BTN3A3: variants seen among roughly 807,000 people sequenced by gnomAD.
BTN3A3 encodes butyrophilin subfamily 3 member A3.
A neutral mutation model predicts 43.2 loss-of-function variants in BTN3A3; 39 were observed. That is an observed-to-expected ratio of 0.90 (90% CI 0.70 to 1.18). BTN3A3 has a LOEUF of 1.18. Ranked by LOEUF, BTN3A3 falls within the 50% of genes most tolerant of loss-of-function variation. The pLI is 0.00. For missense variants in BTN3A3, 631 were observed against 722.8 expected (o/e 0.87, Z 1.46); for synonymous variants, 255 against 272.7 (o/e 0.93, Z 0.64).
chr6:26,441,488 A>G (rs1263737244), intron 1 of BTN3A3, among the ~76,000 whole-genome samples: 1 of 151,144 alleles, frequency 6.6e-6, no homozygotes, highest in Non-Finnish European at 1.5e-5. Flanking sequence ...TTTTTGTCTT[A>G]ATTTCTGTCT....
Position 26,451,665 on chromosome 6 carries a change from C to A in BTN3A3, c.1019-10C>A. On this transcript the variant is annotated splice_polypyrimidine_tract_variant and intron_variant, in intron 10 of 10. Coordinates refer to ENST00000244519, the MANE Select transcript of BTN3A3 (RefSeq NM_006994.5). ...CTGACCCCATGGACACCTCCTCAAA[C>A]TCTCTGCAGCGGATGTGATTCTGGA... 6.2e-7 allele frequency: 1 copy of A among 1,603,160 alleles called. No individual in the cohort carries two copies. The highest frequency in any genetic ancestry group is 1.7e-5 in the Admixed American group (1 of 59,304).
Position 26,444,006 on chromosome 6 carries a change from T to G in BTN3A3, c.135T>G (p.Gly45=), listed in dbSNP as rs1189225399. The part of the protein sequence containing the change: ...GPSGPILAMV[G]EDADLPCHLF... ...CTGGGCCCATCCTGGCCATGGTGGG[T>G]GAAGACGCTGATCTGCCCTGTCACC... Residue 45 remains glycine, a synonymous_variant, in exon 4 of 11, where the codon GGT becomes GGG. Transcript: ENST00000244519. The G allele has an allele frequency of 6.2e-7, 1 of 1,613,900 alleles. No homozygotes were observed. The highest frequency in any genetic ancestry group is 2.2e-5 in the East Asian group (1 of 44,880).
rs1247409250 is a variant in BTN3A3 at position 26,452,430 on chromosome 6, A to G, written c.*19A>G. The G allele has an allele frequency of 6.4e-7, 1 of 1,570,182 alleles. No homozygotes were observed. Among genetic ancestry groups the G allele is most frequent in the African/African-American group, 1.4e-5 (1 of 74,048 alleles). On this transcript the variant is annotated 3_prime_UTR_variant, in exon 11 of 11. Coordinates refer to ENST00000244519, the MANE Select transcript of BTN3A3 (RefSeq NM_006994.5). ...TTACTGATATTCATTCCATTATTCC[A>G]TATGACAGTTGTTTTGAGTTTCGTA...
chr6:26,450,346 T>C, intron 10 of BTN3A3: 1 of 567,876 alleles, frequency 1.8e-6, no homozygotes, highest in South Asian at 2.1e-5. Flanking sequence ...TCTCTTGGGC[T>C]TCCTCAGACC....
At chr6:26,446,055 T>C (rs1047092199) in intron 5 of BTN3A3, 70 bp downstream of exon 5, 2 of 1,591,242 alleles carry the variant, frequency 1.3e-6, no homozygotes, top group Admixed American at 1.7e-5. Context: ...GATGTGTGAG[T>C]CTCTACTGTG....
intron 4 of BTN3A3, chr6:26,445,434 C>G: frequency 2.2e-6 from 1 of 452,112 alleles, no homozygotes; most frequent in Non-Finnish European, 4.0e-6. Context: ...CAAGAAAGTC[C>G]TCAATGCATC....
chr6:26,448,880 G>A (rs1762854207), intron 8 of BTN3A3, 126 bp downstream of exon 8: 1 of 1,157,386 alleles, frequency 8.6e-7, no homozygotes, highest in Admixed American at 2.0e-5. Flanking sequence ...CTTTACTCAG[G>A]AAAAGAAAAT....
At position 26,445,725 on chromosome 6, in the gene BTN3A3, T is replaced by C. The variant is rs754962015; in HGVS notation, c.455T>C (p.Ile152Thr). ...ACAGCATTGGGTTCTGATCTTCACA[T>C]TGAAGTGAAGGGTTATGAGGATGGA... ...KVAALGSDLH[I>T]EVKGYEDGGI... The change falls in exon 5 of 11, where the codon ATT (isoleucine) becomes ACT (threonine). Residue 152 changes from isoleucine to threonine, a missense_variant. Ile to Thr is a moderately conservative substitution (Grantham distance 89). Transcript: ENST00000244519. The C allele has an allele frequency of 5.6e-6, 9 of 1,613,946 alleles. No homozygotes were observed. The highest frequency in any genetic ancestry group is 7.6e-6 in the Non-Finnish European group (9 of 1,179,988).
intron 1 of BTN3A3, 36 bp from the exon 2 acceptor site, chr6:26,443,346 G>A: frequency 1.0e-6 from 1 of 985,402 alleles, no homozygotes; most frequent in Non-Finnish European, 1.4e-6. Flanking sequence ...TAGAGTCAGA[G>A]ATGTCCTGAT....
intron 1 of BTN3A3, among the ~76,000 whole-genome samples, chr6:26,442,932 C>A (rs1392414881): frequency 2.0e-5 from 3 of 152,224 alleles, no homozygotes; most frequent in African/African-American, 4.8e-5. Flanking sequence ...ATATAGTAGG[C>A]CTCACCCATT....
chr6:26,444,461 C>T lies in BTN3A3; in HGVS notation c.433+157C>T, dbSNP rs941952034. On this transcript the variant is annotated intron_variant, in intron 4 of 10. Coordinates refer to ENST00000244519, the MANE Select transcript of BTN3A3 (RefSeq NM_006994.5). ...GCTTCTCTGCAACCCTTAAGAAAGA[C>T]ACATTCTTTCTTTAGAAAGAATTCC... is the stretch of plus-strand genomic sequence containing the variant. 6.8e-6 allele frequency: 8 copies of T among 1,173,048 alleles called. No individual in the cohort carries two copies. In the African/African-American group the frequency reaches 1.2e-4, roughly 18 times the overall value. The allele number at this position is 1,173,048 out of a possible 1,614,324, so 72.7% of individuals were successfully genotyped here.
chr6:26,446,061 C>T, intron 5 of BTN3A3, 76 bp downstream of exon 5: 2 of 1,580,024 alleles, frequency 1.3e-6, no homozygotes, highest in Non-Finnish European at 1.7e-6. Flanking sequence ...TGAGTCTCTA[C>T]TGTGTGAGTC....
rs775823033 is a variant in BTN3A3 at position 26,451,677 on chromosome 6, G to T, written c.1021G>T (p.Asp341Tyr). The T allele has an allele frequency of 3.1e-6, 5 of 1,610,286 alleles. No individual in the cohort carries two copies. The highest frequency in any genetic ancestry group is 4.2e-6 in the Non-Finnish European group (5 of 1,177,714). ...EWKMALFKPA[D>Y]VILDPDTANA... ...ACACCTCCTCAAACTCTCTGCAGCG[G>T]ATGTGATTCTGGATCCAGACACGGC... The change falls in exon 11 of 11, where the codon GAT (aspartate) becomes TAT (tyrosine). Residue 341 changes from aspartate (D) to tyrosine (Y), a missense_variant and splice_region_variant. Coordinates refer to ENST00000244519, the MANE Select transcript of BTN3A3 (RefSeq NM_006994.5).
chr6:26,444,433 T>G, intron 4 of BTN3A3, 129 bp downstream of exon 4: 2 of 1,428,210 alleles, frequency 1.4e-6, no homozygotes, highest in African/African-American at 1.4e-5. Context: ...GCCTCCCAAC[T>G]TAGCTTCTCT....
At chr6:26,441,497 C>CT (rs71544683) in intron 1 of BTN3A3, among the ~76,000 whole-genome samples, 11,963 of 143,668 alleles carry the variant, frequency 0.083, 588 homozygotes, top group Non-Finnish European at 0.12. Context: ...TAATTTCTGT[C>CT]TTTTTTTTTT....
chr6:26,452,162 G>C lies in BTN3A3; in HGVS notation c.1506G>C (p.Leu502Phe), dbSNP rs1194631107. The C allele has an allele frequency of 6.2e-7, 1 of 1,613,998 alleles. No individual in the cohort carries two copies. Among genetic ancestry groups the C allele is most frequent in the Non-Finnish European group, 8.5e-7 (1 of 1,179,998 alleles). Residue 502 changes from leucine to phenylalanine, a missense_variant, in exon 11 of 11, where the codon TTG becomes TTC. By Grantham distance (22) the Leu-to-Phe change is conservative. Around this residue, in one of 2 missense-constraint regions of BTN3A3, gnomAD observed 551 missense variants for 584.0 expected, o/e 0.94. Transcript: ENST00000244519. ...CTCTATATCCTGTTTTCAGAATTTT[G>C]ACCTTGGAGCCCACTGCCCTGACCA... Reference protein sequence around the residue: ...SEPLYPVFRILTLEPTALTIC... With the variant: ...SEPLYPVFRIFTLEPTALTIC...
intron 5 of BTN3A3, among the ~76,000 whole-genome samples, chr6:26,447,893 G>A (rs1002757071): frequency 1.9e-4 from 29 of 152,162 alleles, no homozygotes; most frequent in African/African-American, 6.8e-4. Flanking sequence ...TAGATGGAGG[G>A]AGGGAGTACT....
In BTN3A3 at chr6:26,448,789, C is replaced by A. The variant is rs924146725; in HGVS notation, c.964+35C>A. 2.5e-6 allele frequency: 4 copies of A among 1,612,814 alleles called. No homozygotes were observed. The African/African-American group carries it at 4.0e-5, about 16-fold the overall frequency. ...TCTGACATTTTCTCTGAATTTGAAT[C>A]TTGAATCTATGACTCTCTTCTGCTT... On this transcript the variant is annotated intron_variant, in intron 8 of 10. Coordinates refer to ENST00000244519, the MANE Select transcript of BTN3A3 (RefSeq NM_006994.5).
chr6:26,445,989 A>G lies in BTN3A3; in HGVS notation c.715+4A>G, dbSNP rs753274261. On this transcript the variant is annotated splice_donor_region_variant and intron_variant, in intron 5 of 10. Transcript: ENST00000244519. ...ACAGCCAGCATATCCATCGCAGGTCAGTACCCTGCTTGGCCTCAGCTTTAC... is the reference window on the plus strand; with the variant it reads ...ACAGCCAGCATATCCATCGCAGGTCGGTACCCTGCTTGGCCTCAGCTTTAC... 6 of 1,613,986 alleles carry G rather than the reference A, an allele frequency of 3.7e-6. No homozygotes were observed. The Admixed American group carries it at 8.3e-5, about 22-fold the overall frequency.
Sources: gnomAD v4.1 joint callset for allele counts (sites outside exome capture counted in the v4.1 genomes callset) on GRCh38, gnomAD v4.1.1 for gene constraint, gnomAD v4.1.1 regional missense constraint, MANE v1.5 for transcripts, NCBI Gene and HGNC (gene_info 2026-07-23, HGNC 2026-07-21) for gene names.